CAMSAP2: variants seen among roughly 807,000 people sequenced by gnomAD.
CAMSAP2 encodes calmodulin regulated spectrin associated protein family member 2.
In CAMSAP2, 26 loss-of-function variants were observed where a neutral mutation model predicts 146.1. The observed-to-expected ratio is 0.18, with a 90% confidence interval of 0.13 to 0.25. CAMSAP2 has a LOEUF of 0.25. Ranked by LOEUF, CAMSAP2 falls within the 10% of genes least tolerant of loss-of-function variation. CAMSAP2 has a pLI of 1.00. For missense variants in CAMSAP2, 1,381 were observed against 1,759.3 expected, an observed-to-expected ratio of 0.78 and a Z score of 3.85; for synonymous variants, 499 against 596.6, an observed-to-expected ratio of 0.84 and a Z score of 2.38.
At chr1:200,783,805 G>T (rs533012005) in intron 2 of CAMSAP2, among the ~76,000 whole-genome samples, 17 of 152,066 alleles carry the variant, frequency 1.1e-4, no homozygotes, top group Non-Finnish European at 2.2e-4. Context: ...CATTTTCTTC[G>T]TGGTGTCTTT....
intron 1 of CAMSAP2, among the ~76,000 whole-genome samples, chr1:200,750,685 C>T (rs536444450): frequency 1.7e-4 from 26 of 150,338 alleles, no homozygotes; most frequent in African/African-American, 6.4e-4. Context: ...AGTGCAATGG[C>T]GCAATCTCAG....
intron 2 of CAMSAP2, among the ~76,000 whole-genome samples, chr1:200,767,174 T>C (rs965176537): frequency 2.6e-5 from 4 of 151,512 alleles, no homozygotes; most frequent in African/African-American, 9.7e-5. Context: ...CTACTAAAAA[T>C]ACAAAAAAAA....
intron 2 of CAMSAP2, among the ~76,000 whole-genome samples, chr1:200,765,411 A>G (rs1054863395): frequency 6.6e-6 from 1 of 151,922 alleles, no homozygotes; most frequent in African/African-American, 2.4e-5. Context: ...TTGTATTTTT[A>G]GTAGAGATGG....
Position 200,849,080 on chromosome 1 carries a change from A to G in CAMSAP2, c.2311A>G (p.Met771Val), listed in dbSNP as rs766594753. ...RRAIEAQKKKMEAAFTKQRQK... is the reference protein window; with the variant it reads ...RRAIEAQKKKVEAAFTKQRQK... ...TGCTATAGAAGCCCAGAAAAAGAAA[A>G]TGGAAGCTGCTTTTACCAAACAGAG... Residue 771 changes from methionine to valine, a missense_variant, in exon 11 of 17, where the codon ATG becomes GTG. This residue lies in a region of CAMSAP2 where 560 missense variants were observed against 715.9 expected (regional missense o/e 0.78). Coordinates refer to ENST00000358823, the MANE Select transcript of CAMSAP2 (RefSeq NM_203459.4). This position sits in a 1 kb window ranked among gnomAD's most constrained non-coding sequence, Gnocchi z 6.3. The G allele has an allele frequency of 3.7e-6, 6 of 1,614,148 alleles. No individual in the cohort carries two copies. Among genetic ancestry groups the G allele is most frequent in the Admixed American group, 3.3e-5 (2 of 60,012 alleles).
chr1:200,776,563 G>T (rs1665284818), intron 2 of CAMSAP2, among the ~76,000 whole-genome samples: 1 of 152,022 alleles, frequency 6.6e-6, no homozygotes, highest in African/African-American at 2.4e-5. Context: ...CACAGGAAGG[G>T]CAGGAAAGAG....
chr1:200,760,327 C>T (rs1195750758), intron 1 of CAMSAP2, among the ~76,000 whole-genome samples: 1 of 152,098 alleles, frequency 6.6e-6, no homozygotes, highest in Non-Finnish European at 1.5e-5. Context: ...GGAGAGACGG[C>T]AGAGGTCTTG....
At chr1:200,756,863 C>T (rs556736140) in intron 1 of CAMSAP2, among the ~76,000 whole-genome samples, 3 of 152,240 alleles carry the variant, frequency 2.0e-5, no homozygotes, top group African/African-American at 7.2e-5. Context: ...CCTAGAGATT[C>T]ATATCATGGT....
At chr1:200,759,466 G>A (rs1664740935) in intron 1 of CAMSAP2, among the ~76,000 whole-genome samples, 1 of 151,932 alleles carries the variant, frequency 6.6e-6, no homozygotes, top group Non-Finnish European at 1.5e-5. Context: ...TTAGTAGAGA[G>A]GGGTTTCATC....
At chr1:200,768,659 G>T (rs949968259) in intron 2 of CAMSAP2, among the ~76,000 whole-genome samples, 12 of 151,582 alleles carry the variant, frequency 7.9e-5, no homozygotes, top group Non-Finnish European at 5.9e-5. Flanking sequence ...CTTTTTTTTT[G>T]TTGTTGTTGT....
intron 2 of CAMSAP2, among the ~76,000 whole-genome samples, chr1:200,770,421 CTT>C (rs11392023): frequency 4.9e-5 from 7 of 143,482 alleles, no homozygotes; most frequent in Admixed American, 6.9e-5. Flanking sequence ...CCTACTATTT[CTT>C]TTTTTTTTTT....
At chr1:200,765,045 A>T (rs1031243688) in intron 2 of CAMSAP2, among the ~76,000 whole-genome samples, 4 of 152,160 alleles carry the variant, frequency 2.6e-5, no homozygotes, top group African/African-American at 7.2e-5. Context: ...AGGAGATTGC[A>T]GTCAGCCAAG....
chr1:200,752,724 C>T (rs1180613987), intron 1 of CAMSAP2, among the ~76,000 whole-genome samples: 1 of 151,822 alleles, frequency 6.6e-6, no homozygotes, highest in Non-Finnish European at 1.5e-5. Context: ...TTCACACATT[C>T]TCCTGCCTCA....
intron 15 of CAMSAP2, 108 bp downstream of exon 15, chr1:200,856,233 C>A: frequency 1.4e-6 from 1 of 712,150 alleles, no homozygotes. Context: ...TAAACATAGG[C>A]AACTAATAAA....
At chr1:200,855,917 T>A in intron 14 of CAMSAP2, 93 bp from the exon 15 acceptor site, 1 of 820,410 alleles carries the variant, frequency 1.2e-6, no homozygotes. Flanking sequence ...TTTTAGGCCT[T>A]TAGGTTGATT....
chr1:200,754,861 C>T (rs184298532), intron 1 of CAMSAP2, among the ~76,000 whole-genome samples: 2 of 152,148 alleles, frequency 1.3e-5, no homozygotes, highest in East Asian at 1.9e-4. Context: ...GGATTACAGG[C>T]GTGAGCCACC....
At chr1:200,816,540 G>A (rs2102169359) in intron 4 of CAMSAP2, among the ~76,000 whole-genome samples, 1 of 145,940 alleles carries the variant, frequency 6.9e-6, no homozygotes, top group Non-Finnish European at 1.5e-5. Flanking sequence ...GTTGCAGTGA[G>A]CCAAGATCAT....
At chr1:200,741,637 C>T (rs1169146441) in intron 1 of CAMSAP2, among the ~76,000 whole-genome samples, 1 of 152,198 alleles carries the variant, frequency 6.6e-6, no homozygotes, top group African/African-American at 2.4e-5. Context: ...ATACAGATAT[C>T]AAAATTTTGC....
At chr1:200,804,201 C>T (rs1662541051) in intron 2 of CAMSAP2, among the ~76,000 whole-genome samples, 1 of 152,110 alleles carries the variant, frequency 6.6e-6, no homozygotes, top group East Asian at 1.9e-4. Context: ...GCTGGGATTA[C>T]AAGCGTGAGC....
In CAMSAP2 at chr1:200,739,866, G is replaced by A. The variant is rs751176984; in HGVS notation, c.39G>A (p.Thr13=). ...CAGACCCCAGGGAGATGAGAAAGAC[G>A]TTCATTGTTCCAGCCATCAAGCCTT... is the stretch of plus-strand genomic sequence containing the variant. ...DAADPREMRK[T]FIVPAIKPFD... is the part of the protein sequence containing the mutation. Residue 13 remains threonine (T), a synonymous_variant, in exon 1 of 17, where the codon ACG becomes ACA. Coordinates refer to ENST00000358823, the MANE Select transcript of CAMSAP2 (RefSeq NM_203459.4). The surrounding 1 kb of genome is among the most constrained non-coding windows in gnomAD (Gnocchi z 4.8). The A allele has an allele frequency of 1.3e-5, 21 of 1,614,060 alleles. No homozygotes were observed. The highest frequency in any genetic ancestry group is 1.1e-4 in the South Asian group (10 of 91,090).
Sources: gnomAD v4.1 joint callset for allele counts (sites outside exome capture counted in the v4.1 genomes callset) on GRCh38, gnomAD v4.1.1 for gene constraint, gnomAD v4.1.1 regional missense constraint, Gnocchi (gnomAD v3.1) non-coding constraint, MANE v1.5 for transcripts, NCBI Gene and HGNC (gene_info 2026-07-23, HGNC 2026-07-21) for gene names.